The following AFG2A variants were observed in gnomAD, a reference collection of about 807,000 sequenced individuals.
AFG2A encodes ATPase family gene 2 protein homolog A.
the AFG2A span, among the ~76,000 whole-genome samples, chr4:123,075,184 T>G: frequency 2.0e-5 from 3 of 152,038 alleles, no homozygotes; most frequent in Non-Finnish European, 4.4e-5. Context: ...GACTTTGTGA[T>G]CCGCCCACCT....
At chr4:122,923,414 C>T in the AFG2A span, 2 of 1,453,474 alleles carry the variant, frequency 1.4e-6, no homozygotes, top group African/African-American at 1.4e-5. Flanking sequence ...TTGGGCGTGG[C>T]ATGGGTCTGA....
At chr4:123,018,626 T>C in the AFG2A span, among the ~76,000 whole-genome samples, 2 of 152,036 alleles carry the variant, frequency 1.3e-5, no homozygotes, top group South Asian at 2.1e-4. Context: ...AGAACTCTTC[T>C]GTGTAATAAT....
At chr4:123,024,768 G>A in the AFG2A span, among the ~76,000 whole-genome samples, 6 of 152,314 alleles carry the variant, frequency 3.9e-5, no homozygotes, top group South Asian at 1.2e-3. Context: ...GCACCCCGGA[G>A]TGTGCTGTGG....
At chr4:122,994,054 T>A in the AFG2A span, among the ~76,000 whole-genome samples, 1 of 152,252 alleles carries the variant, frequency 6.6e-6, no homozygotes, top group African/African-American at 2.4e-5. Context: ...AACCCCATAT[T>A]AAATGATAAA....
At chr4:123,243,412 C>T in the AFG2A span, among the ~76,000 whole-genome samples, 1 of 152,134 alleles carries the variant, frequency 6.6e-6, no homozygotes, top group African/African-American at 2.4e-5. Context: ...GAATACTATG[C>T]AGCCATAAAA....
the AFG2A span, among the ~76,000 whole-genome samples, chr4:123,304,780 G>T: frequency 6.6e-6 from 1 of 152,182 alleles, no homozygotes; most frequent in African/African-American, 2.4e-5. Flanking sequence ...CAGCCAGGCT[G>T]CCGTGACCGA....
the AFG2A span, among the ~76,000 whole-genome samples, chr4:122,977,697 C>T: frequency 0.65 from 98,121 of 151,634 alleles, 32,613 homozygotes; most frequent in Non-Finnish European, 0.74. Context: ...TTTGGAAGGT[C>T]CTGAGTTCTT....
the AFG2A span, among the ~76,000 whole-genome samples, chr4:123,185,910 G>T: frequency 9.8e-4 from 149 of 151,350 alleles, no homozygotes; most frequent in Middle Eastern, 6.9e-3. Flanking sequence ...AAGAAAGAAA[G>T]AAAATATGCA....
chr4:123,000,481 C>T, the AFG2A span, among the ~76,000 whole-genome samples: 1 of 151,532 alleles, frequency 6.6e-6, no homozygotes, highest in Non-Finnish European at 1.5e-5. Flanking sequence ...TACGTCCCAT[C>T]AATACCTAAT....
the AFG2A span, among the ~76,000 whole-genome samples, chr4:123,308,867 T>C: frequency 6.6e-6 from 1 of 152,170 alleles, no homozygotes; most frequent in Admixed American, 6.5e-5. Flanking sequence ...AGTAAGTGCT[T>C]TGGCTGCTAC....
At chr4:123,076,338 A>G in the AFG2A span, among the ~76,000 whole-genome samples, 1 of 152,094 alleles carries the variant, frequency 6.6e-6, no homozygotes, top group Admixed American at 6.6e-5. Context: ...AATAAAAAAC[A>G]ATTATACAGT....
At chr4:123,246,275 C>T in the AFG2A span, among the ~76,000 whole-genome samples, 1 of 152,162 alleles carries the variant, frequency 6.6e-6, no homozygotes, top group African/African-American at 2.4e-5. Context: ...TTGTCCTGTT[C>T]AGGTTCACTG....
chr4:122,985,629 T>A, the AFG2A span, among the ~76,000 whole-genome samples: 1 of 152,182 alleles, frequency 6.6e-6, no homozygotes, highest in Admixed American at 6.5e-5. Context: ...AGTTGTAATA[T>A]CTCCTGTTTT....
At chr4:122,940,747 A>G in the AFG2A span, among the ~76,000 whole-genome samples, 1 of 151,392 alleles carries the variant, frequency 6.6e-6, no homozygotes, top group African/African-American at 2.4e-5. Flanking sequence ...GTTTTCTTCT[A>G]GGGTTTTTAT....
At chr4:123,163,990 A>G in the AFG2A span, among the ~76,000 whole-genome samples, 1 of 152,182 alleles carries the variant, frequency 6.6e-6, no homozygotes, top group Non-Finnish European at 1.5e-5. Context: ...CTTCTCATCA[A>G]AATACCACAG....
the AFG2A span, among the ~76,000 whole-genome samples, chr4:123,048,633 T>C: frequency 7.2e-5 from 11 of 152,176 alleles, no homozygotes; most frequent in Admixed American, 7.2e-4. Flanking sequence ...TTTGAAGTTA[T>C]TGTAAGTGGA....
chr4:123,012,965 G>A, the AFG2A span, among the ~76,000 whole-genome samples: 5 of 152,290 alleles, frequency 3.3e-5, no homozygotes, highest in Admixed American at 2.0e-4. Flanking sequence ...TCGTGTCTGT[G>A]TGAAGACACC....
the AFG2A span, among the ~76,000 whole-genome samples, chr4:123,290,267 C>A: frequency 6.6e-6 from 1 of 152,158 alleles, no homozygotes; most frequent in Non-Finnish European, 1.5e-5. Context: ...GTCATGAATT[C>A]TTTGCCCAGA....
At chr4:123,130,745 C>G in the AFG2A span, among the ~76,000 whole-genome samples, 1 of 152,112 alleles carries the variant, frequency 6.6e-6, no homozygotes, top group Non-Finnish European at 1.5e-5. Context: ...TTTATGTGAA[C>G]AAAACTTCTT....
Sources: gnomAD v4.1 joint callset for allele counts (sites outside exome capture counted in the v4.1 genomes callset) on GRCh38, gnomAD v4.1.1 for gene constraint, MANE v1.5 for transcripts, NCBI Gene and HGNC (gene_info 2026-07-23, HGNC 2026-07-21) for gene names.